The following BNC2 variants were observed in gnomAD, a reference collection of about 807,000 sequenced individuals.
BNC2 encodes basonuclin zinc finger protein 2.
A neutral mutation model predicts 76.3 loss-of-function variants in BNC2; 20 were observed. That is an observed-to-expected ratio of 0.26 (90% CI 0.18 to 0.38). BNC2 has a LOEUF of 0.38. Among genes scored for constraint, BNC2 ranks in the 10% least tolerant of loss-of-function variants. BNC2 has a pLI of 1.00. For missense variants in BNC2, 1,382 were observed against 1,399.8 expected (o/e 0.99, Z 0.20); for synonymous variants, 582 against 514.8 (o/e 1.13, Z -1.77).
chr9:16,597,893 T>G (rs915583430), intron 3 of BNC2, among the ~76,000 whole-genome samples: 5 of 152,146 alleles, frequency 3.3e-5, no homozygotes, highest in Non-Finnish European at 5.9e-5. Context: ...CGGGGCAGTT[T>G]TGAAGAGTTA....
chr9:16,765,279 A>G (rs1825660354), intron 1 of BNC2, among the ~76,000 whole-genome samples: 1 of 152,212 alleles, frequency 6.6e-6, no homozygotes, highest in Admixed American at 6.5e-5. Context: ...TTGAAAATGT[A>G]ATCAGATTTT....
chr9:16,657,895 G>GT (rs1821977232), intron 3 of BNC2, among the ~76,000 whole-genome samples: 1 of 152,102 alleles, frequency 6.6e-6, no homozygotes, highest in Non-Finnish European at 1.5e-5. Context: ...GGGCAGGCCA[G>GT]TTAGGGTTAC....
intron 1 of BNC2, among the ~76,000 whole-genome samples, chr9:16,815,874 G>T (rs981781204): frequency 1.3e-5 from 2 of 152,146 alleles, no homozygotes; most frequent in Admixed American, 1.3e-4. Context: ...ACACAAAGAT[G>T]GAACAATCTC....
rs193142716 is a variant in BNC2 at position 16,441,202 on chromosome 9, T to A, written c.670-3678A>T. Among the ~76,000 whole-genome samples the A allele has an allele frequency of 2.7e-3, 410 of 151,790 alleles. 2 individuals are homozygous for A. The highest frequency in any genetic ancestry group is 3.4e-3 in the Middle Eastern group (1 of 294). The stretch of plus-strand genomic sequence containing the variant: ...GCCTATAGTCCTAGCTACTTGGGAG[T>A]TTGAGGTGGAAGGACTGCTTGAATC... On this transcript the variant is annotated intron_variant, in intron 5 of 6. Transcript: ENST00000380672.
intron 1 of BNC2, among the ~76,000 whole-genome samples, chr9:16,743,527 G>C (rs774611827): frequency 1.3e-5 from 2 of 152,144 alleles, no homozygotes; most frequent in Non-Finnish European, 2.9e-5. Context: ...TGGGTGTCAT[G>C]GTTTCACATG....
At chr9:16,657,726 A>G (rs1053256429) in intron 3 of BNC2, among the ~76,000 whole-genome samples, 2 of 148,100 alleles carry the variant, frequency 1.4e-5, no homozygotes, top group Admixed American at 1.3e-4. Context: ...TAATGTGCAG[A>G]CTCTTAAAGA....
At chr9:16,789,594 G>A (rs1023361888) in intron 1 of BNC2, among the ~76,000 whole-genome samples, 1 of 152,154 alleles carries the variant, frequency 6.6e-6, no homozygotes, top group African/African-American at 2.4e-5. Context: ...ATGTCTCCCT[G>A]CTTCTCCCAC....
chr9:16,866,757 T>G (rs897238838), intron 1 of BNC2, among the ~76,000 whole-genome samples: 14 of 151,760 alleles, frequency 9.2e-5, no homozygotes, highest in Non-Finnish European at 1.9e-4. Context: ...AACATTCTGA[T>G]GGCCAGAGTG....
intron 1 of BNC2, among the ~76,000 whole-genome samples, chr9:16,788,425 C>T (rs1377994997): frequency 6.6e-6 from 1 of 151,890 alleles, no homozygotes; most frequent in Non-Finnish European, 1.5e-5. Flanking sequence ...TGGTGGTAGG[C>T]TCCTGTAATT....
At chr9:16,699,567 ACT>A (rs1823446646) in intron 3 of BNC2, among the ~76,000 whole-genome samples, 1 of 152,234 alleles carries the variant, frequency 6.6e-6, no homozygotes, top group Non-Finnish European at 1.5e-5. Context: ...TATAAAGAAC[ACT>A]GTGGCACTGT....
At chr9:16,711,729 A>G (rs1427670439) in intron 3 of BNC2, among the ~76,000 whole-genome samples, 2 of 152,242 alleles carry the variant, frequency 1.3e-5, no homozygotes, top group Admixed American at 6.5e-5. Context: ...GAGAAGGAAT[A>G]TATTCTACTT....
At chr9:16,683,355 T>C (rs1236750870) in intron 3 of BNC2, among the ~76,000 whole-genome samples, 2 of 152,214 alleles carry the variant, frequency 1.3e-5, no homozygotes, top group East Asian at 1.9e-4. Context: ...CAGGGCTGTA[T>C]GTCTAAACAA....
intron 4 of BNC2, among the ~76,000 whole-genome samples, chr9:16,555,804 A>C (rs1250621355): frequency 6.7e-6 from 1 of 150,368 alleles, no homozygotes; most frequent in Non-Finnish European, 1.5e-5. Flanking sequence ...CTCAAAAAAA[A>C]AGAAAAAAGT....
rs1482992237 is a variant in BNC2, at chr9:16,410,477, C to A, written c.*8512G>T. ...CCTGCATTCTTTATACTGGCACTGG[C>A]AGGAAAATGGTGAGATTCTCTGCAG... is the stretch of plus-strand genomic sequence containing the variant. On this transcript the variant is annotated 3_prime_UTR_variant, in exon 7 of 7. Transcript: ENST00000380672. 6.6e-6 allele frequency: 1 copy of A among 152,590 alleles called. No homozygotes were observed. Among genetic ancestry groups the A allele is most frequent in the Non-Finnish European group, 1.5e-5 (1 of 68,040 alleles). 9.5% of individuals were successfully genotyped at this position (152,590 alleles called of 1,614,324 possible).
intron 1 of BNC2, among the ~76,000 whole-genome samples, chr9:16,801,452 G>T (rs4455968): frequency 0.11 from 15,901 of 150,782 alleles, 1,325 homozygotes; most frequent in East Asian, 0.33. Context: ...TGGCCAGGCT[G>T]GTCTTGAACT....
At chr9:16,637,254 CCTAA>C (rs958985956) in intron 3 of BNC2, among the ~76,000 whole-genome samples, 4 of 152,012 alleles carry the variant, frequency 2.6e-5, no homozygotes, top group Admixed American at 6.6e-5. Context: ...TCTTAAAGTG[CCTAA>C]CTGACAAGCA....
intron 1 of BNC2, among the ~76,000 whole-genome samples, chr9:16,862,920 T>G (rs1180136207): frequency 6.6e-6 from 1 of 151,082 alleles, no homozygotes; most frequent in Non-Finnish European, 1.5e-5. Flanking sequence ...GATAGATTTT[T>G]TTTTTTTTTT....
rs1195772709 is a variant in BNC2, at chr9:16,821,246, A to G, written c.3+49400T>C. 2.7e-4 allele frequency among the ~76,000 whole-genome samples: 40 copies of G among 148,086 alleles called. 1 individual carries two copies. The highest frequency in any genetic ancestry group is 1.5e-3 in the East Asian group (8 of 5,170). ...AAAACTCCGTCTCAAAAAAAAAAAA[A>G]GAAAAAAAAAGGATTCAAGGAGGAA... On this transcript the variant is annotated intron_variant, in intron 1 of 6. Transcript: ENST00000380672.
chr9:16,486,470 C>G (rs1822166914), intron 5 of BNC2, among the ~76,000 whole-genome samples: 2 of 152,190 alleles, frequency 1.3e-5, no homozygotes, highest in Non-Finnish European at 2.9e-5. Flanking sequence ...TAAATGCGCA[C>G]ACCTTTTATT....
Sources: gnomAD v4.1 joint callset for allele counts (sites outside exome capture counted in the v4.1 genomes callset) on GRCh38, gnomAD v4.1.1 for gene constraint, MANE v1.5 for transcripts, NCBI Gene and HGNC (gene_info 2026-07-23, HGNC 2026-07-21) for gene names.